KCNIP4: variants seen among roughly 807,000 people sequenced by gnomAD.
The protein encoded by KCNIP4 is potassium voltage-gated channel interacting protein 4.
Under a neutral mutation model 34.0 loss-of-function variants are expected in KCNIP4, and 12 were observed. That is an observed-to-expected ratio of 0.35 (90% CI 0.23 to 0.57). The LOEUF (loss-of-function observed/expected upper bound fraction) is 0.57. KCNIP4 is among the 20% of genes least tolerant of loss of function. KCNIP4 has a pLI of 0.83. For synonymous variants in KCNIP4, 124 were observed against 102.2 expected (o/e 1.21, Z -1.29); for missense variants, 238 against 311.7 (o/e 0.76, Z 1.78).
intron 1 of KCNIP4, among the ~76,000 whole-genome samples, chr4:20,925,733 T>C (rs6834010): frequency 0.13 from 20,523 of 152,098 alleles, 1,942 homozygotes; most frequent in African/African-American, 0.28. Context: ...CTAGGACTTA[T>C]TACATGCCTA....
chr4:21,243,586 C>G (rs767111805), intron 1 of KCNIP4, among the ~76,000 whole-genome samples: 2 of 152,052 alleles, frequency 1.3e-5, no homozygotes, highest in Admixed American at 6.6e-5. Flanking sequence ...ATCGTATCAA[C>G]CCATTTATTA....
chr4:21,234,641 G>A lies in KCNIP4; in HGVS notation c.62-351932C>T, dbSNP rs145979182. Among the ~76,000 whole-genome samples, 632 of 141,034 alleles carry A rather than the reference G, an allele frequency of 4.5e-3. 4 individuals are homozygous for A. The highest frequency in any genetic ancestry group is 0.016 in the African/African-American group (608 of 37,980). 92.5% of individuals were successfully genotyped at this position (141,034 alleles called of 152,430 possible). ...ATAATATATATTACATATAACATAA[G>A]AATATATATATGTTATATATATATT... On this transcript the variant is annotated intron_variant, in intron 1 of 8. Coordinates refer to ENST00000382152, the MANE Select transcript of KCNIP4 (RefSeq NM_025221.6).
chr4:21,553,377 G>A (rs955187421), intron 1 of KCNIP4, among the ~76,000 whole-genome samples: 2 of 152,070 alleles, frequency 1.3e-5, no homozygotes, highest in Non-Finnish European at 2.9e-5. Flanking sequence ...TAAAAATACC[G>A]GCTGTAATAA....
intron 1 of KCNIP4, among the ~76,000 whole-genome samples, chr4:21,135,318 C>A (rs1358870761): frequency 6.6e-6 from 1 of 152,182 alleles, no homozygotes; most frequent in Non-Finnish European, 1.5e-5. Flanking sequence ...TAAATGACTT[C>A]ATAGACTGCA....
chr4:20,871,058 C>A (rs1210656464), intron 2 of KCNIP4, among the ~76,000 whole-genome samples: 1 of 152,148 alleles, frequency 6.6e-6, no homozygotes, highest in Non-Finnish European at 1.5e-5. Context: ...GGCAAGAGAT[C>A]TATCTTGGTT....
intron 1 of KCNIP4, among the ~76,000 whole-genome samples, chr4:21,247,865 T>TATACACACAC (rs1553845757): frequency 8.2e-6 from 1 of 122,438 alleles, no homozygotes; most frequent in African/African-American, 3.4e-5. Context: ...TATATATATA[T>TATACACACAC]ACACACACAC....
At chr4:21,105,413 ATAAGAATGCT>A (rs1748424280) in intron 1 of KCNIP4, among the ~76,000 whole-genome samples, 1 of 151,656 alleles carries the variant, frequency 6.6e-6, no homozygotes, top group African/African-American at 2.4e-5. Flanking sequence ...TTATTGGTGT[ATAAGAATGCT>A]TGTGATTTTT....
chr4:21,658,117 C>T (rs917689945), intron 1 of KCNIP4, among the ~76,000 whole-genome samples: 1 of 152,098 alleles, frequency 6.6e-6, no homozygotes, highest in Non-Finnish European at 1.5e-5. Context: ...CGATTATAGG[C>T]GTGAGCCACC....
chr4:20,924,040 A>G (rs1729665077), intron 1 of KCNIP4, among the ~76,000 whole-genome samples: 1 of 151,964 alleles, frequency 6.6e-6, no homozygotes, highest in South Asian at 2.1e-4. Context: ...TTTTTTTCTC[A>G]TTTTAGATTT....
intron 1 of KCNIP4, among the ~76,000 whole-genome samples, chr4:21,444,451 G>C (rs947766646): frequency 6.6e-6 from 1 of 152,060 alleles, no homozygotes; most frequent in Non-Finnish European, 1.5e-5. Flanking sequence ...TTCATCCCTG[G>C]GATGCAAGGC....
At chr4:21,720,007 A>AAGG (rs1284501648) in intron 1 of KCNIP4, among the ~76,000 whole-genome samples, 2 of 128,464 alleles carry the variant, frequency 1.6e-5, no homozygotes, top group South Asian at 5.8e-4. Context: ...AAAGAAAAAG[A>AAGG]AGAAGAAGAA....
intron 1 of KCNIP4, among the ~76,000 whole-genome samples, chr4:21,647,794 A>G (rs1369720400): frequency 6.8e-6 from 1 of 147,126 alleles, no homozygotes; most frequent in Non-Finnish European, 1.5e-5. Flanking sequence ...CAACCATATC[A>G]CAACTCACAG....
chr4:20,991,935 G>A (rs1231452832), intron 1 of KCNIP4, among the ~76,000 whole-genome samples: 1 of 152,196 alleles, frequency 6.6e-6, no homozygotes, highest in Non-Finnish European at 1.5e-5. Flanking sequence ...CGAGATTCCA[G>A]AGACTGACTT....
chr4:20,889,510 T>A (rs1725676369), intron 1 of KCNIP4, among the ~76,000 whole-genome samples: 1 of 152,134 alleles, frequency 6.6e-6, no homozygotes. Context: ...TGCAACTGTA[T>A]GAACTCTACT....
chr4:20,740,847 A>G (rs897890285), intron 5 of KCNIP4, among the ~76,000 whole-genome samples: 3 of 152,204 alleles, frequency 2.0e-5, no homozygotes, highest in African/African-American at 7.2e-5. Context: ...AGAGACAAAC[A>G]TAGGCTCAAA....
At chr4:20,820,516 T>C (rs1010202218) in intron 3 of KCNIP4, among the ~76,000 whole-genome samples, 4 of 152,172 alleles carry the variant, frequency 2.6e-5, no homozygotes, top group African/African-American at 4.8e-5. Context: ...TTTGGAAAAT[T>C]CCCAGCCTGG....
chr4:21,178,723 T>A (rs1754619647), intron 1 of KCNIP4, among the ~76,000 whole-genome samples: 2 of 151,854 alleles, frequency 1.3e-5, no homozygotes. Flanking sequence ...ATTTCTAACA[T>A]CCCATTCTCA....
intron 1 of KCNIP4, among the ~76,000 whole-genome samples, chr4:21,157,105 T>C (rs775190260): frequency 6.6e-6 from 1 of 152,110 alleles, no homozygotes; most frequent in Non-Finnish European, 1.5e-5. Context: ...TCGCTGAGGC[T>C]TCGTTTTACT....
Position 21,543,751 on chromosome 4 carries a change from T to C in KCNIP4, c.61+404820A>G, listed in dbSNP as rs1271788726. ...TAGCCTTTTCCTTACCTACATTGTC[T>C]TGTAAAATGTTGCAAATGACTAAAG... On this transcript the variant is annotated intron_variant, in intron 1 of 8. Coordinates refer to ENST00000382152, the MANE Select transcript of KCNIP4 (RefSeq NM_025221.6). Among the ~76,000 whole-genome samples the C allele has an allele frequency of 2.0e-4, 31 of 152,156 alleles. 1 individual carries two copies. Among genetic ancestry groups the C allele is most frequent in the Admixed American group, 2.0e-3 (31 of 15,262 alleles).
Sources: gnomAD v4.1 joint callset for allele counts (sites outside exome capture counted in the v4.1 genomes callset) on GRCh38, gnomAD v4.1.1 for gene constraint, MANE v1.5 for transcripts, NCBI Gene and HGNC (gene_info 2026-07-23, HGNC 2026-07-21) for gene names.